The following ATP10A variants were observed in gnomAD, a reference collection of about 807,000 sequenced individuals.
ATP10A encodes ATPase phospholipid transporting 10A (putative).
ATP10A carries 111 observed loss-of-function variants against 147.8 expected under a neutral mutation model. The ratio of observed to expected loss-of-function variants is 0.75; its 90% CI spans 0.64 to 0.88. The LOEUF (loss-of-function observed/expected upper bound fraction) is 0.88, where lower values mean the gene tolerates loss of function less well. Among genes scored for constraint, ATP10A ranks in the 40% least tolerant of loss-of-function variants. The pLI, the probability that ATP10A is intolerant of heterozygous loss-of-function variation, is 0.00. For synonymous variants in ATP10A, 875 were observed against 841.6 expected (o/e 1.04, Z -0.69); for missense variants, 1,927 against 1,959.0 (o/e 0.98, Z 0.31).
In ATP10A at chr15:25,796,110, A is replaced by C. The variant is rs114787884; in HGVS notation, c.450-14887T>G. ...CCAGCCTCAAATATTCCTTTATAGC[A>C]ACACAAAACGAACAGGGACAACATG... On this transcript the variant is annotated intron_variant, in intron 1 of 20. Coordinates refer to ENST00000555815, the MANE Select transcript of ATP10A (RefSeq NM_024490.4). Among the ~76,000 whole-genome samples the C allele has an allele frequency of 8.5e-3, 1,294 of 152,302 alleles. 22 individuals carry two copies. The highest frequency in any genetic ancestry group is 0.03 in the African/African-American group (1,239 of 41,558).
At chr15:25,735,734 C>T (rs146386137) in intron 3 of ATP10A, among the ~76,000 whole-genome samples, 2,980 of 152,246 alleles carry the variant, frequency 0.02, 46 homozygotes, top group South Asian at 0.029. Context: ...TCCACGTTAA[C>T]GGGGCCATGT....
In ATP10A at chr15:25,832,904, A is replaced by G. The variant is rs555445596; in HGVS notation, c.449+29744T>C. On this transcript the variant is annotated intron_variant, in intron 1 of 20. Transcript: ENST00000555815. ...AATTTGATCATTACAAACCGTATAC[A>G]TAGGCAATATCACTCTGTGCTCCAC... 1.1e-4 allele frequency among the ~76,000 whole-genome samples: 17 copies of G among 152,202 alleles called. No individual in the cohort carries two copies. The East Asian group carries it at 3.1e-3, about 28-fold the overall frequency.
In ATP10A at chr15:25,727,256, T is replaced by C; in HGVS notation, c.751A>G (p.Asn251Asp). 1 of 1,613,808 alleles carries C rather than the reference T, an allele frequency of 6.2e-7. No individual in the cohort carries two copies. The highest frequency in any genetic ancestry group is 1.1e-5 in the South Asian group (1 of 91,062). ...SRFRGCIIHD[N>D]GKKAGLYKEN... The stretch of plus-strand genomic sequence containing the variant: ...TTATACAGCCCGGCCTTTTTCCCGT[T>C]GTCATGTATGCTGTAGAGGGACAGT... Residue 251 changes from asparagine to aspartate, a missense_variant, in exon 4 of 21, where the codon AAC becomes GAC. Transcript: ENST00000555815.
chr15:25,771,541 C>T (rs1889335668), intron 2 of ATP10A, among the ~76,000 whole-genome samples: 1 of 152,286 alleles, frequency 6.6e-6, no homozygotes, highest in Non-Finnish European at 1.5e-5. Flanking sequence ...CAAGACTCCT[C>T]CCTCCACCCA....
intron 3 of ATP10A, among the ~76,000 whole-genome samples, chr15:25,729,406 T>C (rs2140458221): frequency 6.6e-6 from 1 of 152,314 alleles, no homozygotes; most frequent in East Asian, 1.9e-4. Flanking sequence ...CTCTTCTGTA[T>C]ATCTCCATGC....
In ATP10A at chr15:25,702,081, G is replaced by A. The variant is rs745694147; in HGVS notation, c.2595C>T (p.Asp865=). 1.9e-6 allele frequency: 3 copies of A among 1,612,586 alleles called. No individual in the cohort carries two copies. The African/African-American group carries it at 4.0e-5, about 22-fold the overall frequency. ...LHLLGATGIE[D]RLQDGVPETI... is the part of the protein sequence containing the mutation. ...TTTCAGGGACTCCGTCCTGCAGGCGGTCTTCAATCCCAGTGGCACCTGGTC... is the reference window on the plus strand; with the variant it reads ...TTTCAGGGACTCCGTCCTGCAGGCGATCTTCAATCCCAGTGGCACCTGGTC... Residue 865 remains aspartate (D), a synonymous_variant, in exon 13 of 21, where the codon GAC becomes GAT. Coordinates refer to ENST00000555815, the MANE Select transcript of ATP10A (RefSeq NM_024490.4).
intron 2 of ATP10A, among the ~76,000 whole-genome samples, chr15:25,747,287 CAAAAAA>C (rs34660034): frequency 2.6e-5 from 3 of 113,248 alleles, no homozygotes; most frequent in Non-Finnish European, 5.6e-5. Context: ...AACTCCATCT[CAAAAAA>C]AAAAAAAAAA....
At chr15:25,708,930 C>CT (rs1163415002) in intron 10 of ATP10A, 2 of 152,734 alleles carry the variant, frequency 1.3e-5, no homozygotes, top group African/African-American at 4.8e-5. Flanking sequence ...TTTGTGAAAT[C>CT]TGGCAACACT....
chr15:25,783,454 A>C (rs533517436), intron 1 of ATP10A, among the ~76,000 whole-genome samples: 1 of 137,350 alleles, frequency 7.3e-6, no homozygotes, highest in African/African-American at 2.7e-5. Context: ...CTTCTATTTA[A>C]TTCCCCTGTG....
chr15:25,830,140 G>A (rs976514289), intron 1 of ATP10A, among the ~76,000 whole-genome samples: 1 of 152,148 alleles, frequency 6.6e-6, no homozygotes, highest in Non-Finnish European at 1.5e-5. Flanking sequence ...GCCACGGAGA[G>A]GAGGAGGCCT....
At chr15:25,753,602 T>A (rs909387011) in intron 2 of ATP10A, among the ~76,000 whole-genome samples, 1 of 151,854 alleles carries the variant, frequency 6.6e-6, no homozygotes, top group Non-Finnish European at 1.5e-5. Flanking sequence ...TGCTCCATTT[T>A]TCAAGACTTC....
intron 1 of ATP10A, among the ~76,000 whole-genome samples, chr15:25,837,370 C>T (rs564758752): frequency 4.6e-5 from 7 of 152,152 alleles, no homozygotes; most frequent in Non-Finnish European, 8.8e-5. Context: ...CCATTTGCAA[C>T]GATGTGGATG....
At chr15:25,748,327 G>C (rs1438836680) in intron 2 of ATP10A, among the ~76,000 whole-genome samples, 2 of 152,098 alleles carry the variant, frequency 1.3e-5, no homozygotes, top group Non-Finnish European at 2.9e-5. Context: ...GATGGATATA[G>C]CTCAAGAATT....
chr15:25,744,606 A>G (rs1451911205), intron 2 of ATP10A, among the ~76,000 whole-genome samples: 2 of 152,246 alleles, frequency 1.3e-5, no homozygotes, highest in Non-Finnish European at 2.9e-5. Context: ...GCTAGAAATT[A>G]TAAAATGTGA....
chr15:25,710,623 A>G (rs1040371598), intron 10 of ATP10A: 2 of 152,240 alleles, frequency 1.3e-5, no homozygotes, highest in Admixed American at 6.5e-5. Flanking sequence ...TTTACAAGCG[A>G]TATTTCCCCA....
At chr15:25,700,235 C>G (rs1025160266) in intron 13 of ATP10A, among the ~76,000 whole-genome samples, 1 of 152,164 alleles carries the variant, frequency 6.6e-6, no homozygotes, top group Non-Finnish European at 1.5e-5. Flanking sequence ...AATGACAATG[C>G]GAAGTGCTGG....
chr15:25,754,536 T>C (rs4906633), intron 2 of ATP10A, among the ~76,000 whole-genome samples: 74,448 of 151,920 alleles, frequency 0.49, 18,411 homozygotes, highest in South Asian at 0.53. Flanking sequence ...TCTTTTTTCT[T>C]ACACACACAC....
In ATP10A at chr15:25,807,366, C is replaced by T. The variant is rs529653246; in HGVS notation, c.450-26143G>A. Reference sequence around the variant, plus strand: ...TCAGGCCATCTGCCTCTGTGTCCAGCCACAGGGGCCTCAAGATATATTAAA... The same window carrying T: ...TCAGGCCATCTGCCTCTGTGTCCAGTCACAGGGGCCTCAAGATATATTAAA... On this transcript the variant is annotated intron_variant, in intron 1 of 20. Transcript: ENST00000555815. Among the ~76,000 whole-genome samples, 8 of 152,368 alleles carry T rather than the reference C, an allele frequency of 5.3e-5. No homozygotes were observed. In the East Asian group the frequency reaches 1.5e-3, roughly 29 times the overall value.
chr15:25,683,519 G>A (rs747647793), intron 16 of ATP10A, 33 bp from the exon 17 acceptor site: 14 of 1,578,154 alleles, frequency 8.9e-6, no homozygotes, highest in South Asian at 5.7e-5. Flanking sequence ...AGGAACAGGC[G>A]AGTCTTCAGC....
Sources: gnomAD v4.1 joint callset for allele counts (sites outside exome capture counted in the v4.1 genomes callset) on GRCh38, gnomAD v4.1.1 for gene constraint, MANE v1.5 for transcripts, NCBI Gene and HGNC (gene_info 2026-07-23, HGNC 2026-07-21) for gene names.